Variants in WASF3 observed in about 807,000 individuals in gnomAD.
WASF3 encodes the protein actin-binding protein WASF3.
In WASF3, 11 loss-of-function variants were observed where a neutral mutation model predicts 46.6. The ratio of observed to expected loss-of-function variants is 0.24; its 90% confidence interval spans 0.15 to 0.39. The LOEUF is 0.39. Ranked by LOEUF, WASF3 falls within the 10% of genes least tolerant of loss-of-function variation. WASF3 has a pLI of 1.00. For missense variants in WASF3, 576 were observed against 669.8 expected (o/e 0.86, Z 1.55); for synonymous variants, 242 against 259.7 (o/e 0.93, Z 0.65).
chr13:26,595,681 T>G (rs1444687385), intron 1 of WASF3, among the ~76,000 whole-genome samples: 1 of 152,230 alleles, frequency 6.6e-6, no homozygotes, highest in Non-Finnish European at 1.5e-5. Context: ...TCCTTGTCCC[T>G]GGCCCCTGTT....
intron 1 of WASF3, among the ~76,000 whole-genome samples, chr13:26,594,656 C>A (rs1880407155): frequency 1.3e-5 from 2 of 152,168 alleles, no homozygotes. Flanking sequence ...CTATTCCTTT[C>A]CTAAGTAAAT....
intron 1 of WASF3, among the ~76,000 whole-genome samples, chr13:26,559,320 C>T (rs1391605665): frequency 6.6e-6 from 1 of 152,224 alleles, no homozygotes; most frequent in African/African-American, 2.4e-5. Context: ...TGTGCTTATT[C>T]TAGAACTATG....
At chr13:26,683,494 A>AG (rs1446078952) in intron 9 of WASF3, among the ~76,000 whole-genome samples, 30 of 77,256 alleles carry the variant, frequency 3.9e-4, no homozygotes, top group South Asian at 1.1e-3. Flanking sequence ...AAAAGAATTG[A>AG]AATTAGGAAG....
At chr13:26,586,655 G>A (rs1009745089) in intron 1 of WASF3, among the ~76,000 whole-genome samples, 1 of 152,092 alleles carries the variant, frequency 6.6e-6, no homozygotes, top group Non-Finnish European at 1.5e-5. Flanking sequence ...TAAGAGAATT[G>A]TCAGGGATAC....
chr13:26,628,883 C>A (rs2839908), intron 2 of WASF3, among the ~76,000 whole-genome samples: 24,073 of 152,194 alleles, frequency 0.16, 2,396 homozygotes, highest in South Asian at 0.26. Flanking sequence ...ACATGTCCTC[C>A]TCCTTGGGAT....
At position 26,642,315 on chromosome 13, in the gene WASF3, G is replaced by A. The variant is rs553738534; in HGVS notation, c.45G>A (p.Arg15=). The A allele has an allele frequency of 6.2e-7, 1 of 1,607,472 alleles. No homozygotes were observed. The highest frequency in any genetic ancestry group is 8.5e-7 in the Non-Finnish European group (1 of 1,177,798). The part of the protein sequence containing the change: ...KRNIEPRHLC[R]GALPEGITSE... ...ACATTGAGCCCCGGCACTTGTGCCG[G>A]GGAGCTCTGCCTGAAGGGATTACCA... Residue 15 remains arginine, a synonymous_variant, in exon 3 of 10, where the codon CGG becomes CGA. Transcript: ENST00000335327.
intron 1 of WASF3, among the ~76,000 whole-genome samples, chr13:26,610,061 G>A (rs1880923169): frequency 6.6e-6 from 1 of 152,192 alleles, no homozygotes; most frequent in Non-Finnish European, 1.5e-5. Flanking sequence ...CTGTCACTGT[G>A]TAGAACATTT....
At chr13:26,554,621 T>A (rs1035527050), upstream of WASF3, among the ~76,000 whole-genome samples, 6 of 152,242 alleles carry the variant, frequency 3.9e-5, no homozygotes, top group African/African-American at 1.4e-4. Context: ...TTTTCCAGAA[T>A]GAATATACTT....
intron 1 of WASF3, among the ~76,000 whole-genome samples, chr13:26,559,144 T>C (rs1006345540): frequency 6.6e-6 from 1 of 152,226 alleles, no homozygotes; most frequent in Non-Finnish European, 1.5e-5. Context: ...GGCATTCTCA[T>C]TGTGTCCTCT....
intron 2 of WASF3, among the ~76,000 whole-genome samples, chr13:26,636,513 G>A (rs1881825972): frequency 6.6e-6 from 1 of 152,236 alleles, no homozygotes; most frequent in South Asian, 2.1e-4. Context: ...TCCATGGGCT[G>A]CACCCACTGT....
At position 26,567,705 on chromosome 13, in the gene WASF3, A is replaced by AT. The variant is rs200016780; in HGVS notation, c.-109+9886_-109+9887insT. ...AAAGCTAATAAACGACATTAAAAAA[A>AT]AAATATATATATATATAATCTCCCT... is the stretch of plus-strand genomic sequence containing the variant. On this transcript the variant is annotated intron_variant, in intron 1 of 9. Coordinates refer to ENST00000335327, the MANE Select transcript of WASF3 (RefSeq NM_006646.6). 2.6e-3 allele frequency among the ~76,000 whole-genome samples: 386 copies of AT among 148,858 alleles called. 1 individual carries two copies. The highest frequency in any genetic ancestry group is 3.0e-3 in the Non-Finnish European group (201 of 66,368).
intron 1 of WASF3, among the ~76,000 whole-genome samples, chr13:26,601,288 G>A (rs1453999473): frequency 6.6e-6 from 1 of 152,178 alleles, no homozygotes; most frequent in Non-Finnish European, 1.5e-5. Flanking sequence ...ACTTACTGGA[G>A]TGCTTTAATT....
rs1879143736 is a variant in WASF3 at position 26,557,810 on chromosome 13, C to T, written c.-118C>T. 3.4e-6 allele frequency: 1 copy of T among 297,014 alleles called. No individual in the cohort carries two copies. The highest frequency in any genetic ancestry group is 6.2e-6 in the Non-Finnish European group (1 of 161,444). 18.4% of individuals were successfully genotyped at this position (297,014 alleles called of 1,614,324 possible). A position where few individuals can be genotyped will look rare whatever the true frequency, so the allele number is the denominator to read the frequency against. On this transcript the variant is annotated 5_prime_UTR_variant, in exon 1 of 10. Transcript: ENST00000335327. Reference sequence around the variant, plus strand: ...CGCAGCCCCGGCGCCGGCGGCGGGACCGCGGACCGGTGAGTGAGGGCTGCG... The same window carrying T: ...CGCAGCCCCGGCGCCGGCGGCGGGATCGCGGACCGGTGAGTGAGGGCTGCG...
intron 5 of WASF3, among the ~76,000 whole-genome samples, chr13:26,671,132 G>GT (rs1882914729): frequency 6.6e-6 from 1 of 152,128 alleles, no homozygotes; most frequent in Non-Finnish European, 1.5e-5. Flanking sequence ...TATCATGATG[G>GT]TTTTGATCAT....
At chr13:26,637,189 T>C (rs1189582940) in intron 2 of WASF3, among the ~76,000 whole-genome samples, 1 of 152,196 alleles carries the variant, frequency 6.6e-6, no homozygotes, top group Non-Finnish European at 1.5e-5. Flanking sequence ...TTGCATGTAA[T>C]GCCTGCAGGG....
the WASF3 span, among the ~76,000 whole-genome samples, chr13:26,547,426 A>C: frequency 0.05 from 3,794 of 76,566 alleles, 70 homozygotes; most frequent in Middle Eastern, 0.17. Context: ...ACACACACAC[A>C]CCCATCATAT....
At position 26,636,735 on chromosome 13, in the gene WASF3, C is replaced by A. The variant is rs550830151; in HGVS notation, c.-10-5526C>A. ...CAGGCTGTTTGCACCACAGCCTAGA[C>A]CTGCTGAAGGGTCCTTTCTTGCCTT... On this transcript the variant is annotated intron_variant, in intron 2 of 9. Coordinates refer to ENST00000335327, the MANE Select transcript of WASF3 (RefSeq NM_006646.6). Among the ~76,000 whole-genome samples, 86 of 152,336 alleles carry A rather than the reference C, an allele frequency of 5.6e-4. 1 individual carries two copies. The South Asian group carries it at 0.012, about 21-fold the overall frequency.
upstream of WASF3, among the ~76,000 whole-genome samples, chr13:26,554,316 G>C (rs1879053856): frequency 6.6e-6 from 1 of 151,762 alleles, no homozygotes; most frequent in African/African-American, 2.4e-5. Context: ...TTTTTGCAAA[G>C]ATGGGAATCT....
chr13:26,590,822 G>C (rs910510962), intron 1 of WASF3, among the ~76,000 whole-genome samples: 6 of 152,280 alleles, frequency 3.9e-5, no homozygotes, highest in African/African-American at 1.4e-4. Flanking sequence ...TCACAAAGCT[G>C]ACATTTTAAT....
Sources: gnomAD v4.1 joint callset for allele counts (sites outside exome capture counted in the v4.1 genomes callset) on GRCh38, gnomAD v4.1.1 for gene constraint, MANE v1.5 for transcripts, NCBI Gene and HGNC (gene_info 2026-07-23, HGNC 2026-07-21) for gene names.